KCNIP4: variants seen among roughly 807,000 people sequenced by gnomAD.
KCNIP4 encodes Kv channel-interacting protein 4.
Under a neutral mutation model 34.0 loss-of-function variants are expected in KCNIP4, and 12 were observed. The observed-to-expected ratio is 0.35, with a 90% CI of 0.23 to 0.57. KCNIP4 has a LOEUF of 0.57. Ranked by LOEUF, KCNIP4 falls within the 20% of genes least tolerant of loss-of-function variation. KCNIP4 has a pLI of 0.83. For missense variants in KCNIP4, 238 were observed against 311.7 expected (o/e 0.76, Z 1.78); for synonymous variants, 124 against 102.2 (o/e 1.21, Z -1.29).
chr4:21,708,997 T>C (rs1211898171), intron 1 of KCNIP4, among the ~76,000 whole-genome samples: 1 of 152,198 alleles, frequency 6.6e-6, no homozygotes, highest in Non-Finnish European at 1.5e-5. Context: ...TTAGTATTTT[T>C]TAAATTTTAT....
chr4:21,638,382 C>G (rs1746376090), intron 1 of KCNIP4, among the ~76,000 whole-genome samples: 1 of 152,180 alleles, frequency 6.6e-6, no homozygotes, highest in South Asian at 2.1e-4. Flanking sequence ...TCTCTGGCTG[C>G]ACTTGGTGCA....
intron 1 of KCNIP4, among the ~76,000 whole-genome samples, chr4:21,895,056 T>C (rs1727307593): frequency 2.0e-5 from 3 of 152,178 alleles, no homozygotes. Flanking sequence ...TTTCCATCCA[T>C]AGTGGGACTG....
intron 1 of KCNIP4, among the ~76,000 whole-genome samples, chr4:21,761,537 T>C (rs1718053981): frequency 1.3e-5 from 2 of 152,044 alleles, no homozygotes; most frequent in Non-Finnish European, 2.9e-5. Flanking sequence ...ACAACCATCT[T>C]ATAACTAAAT....
At chr4:20,805,420 A>C (rs1714957369) in intron 3 of KCNIP4, among the ~76,000 whole-genome samples, 2 of 151,862 alleles carry the variant, frequency 1.3e-5, no homozygotes, top group African/African-American at 4.8e-5. Context: ...TGTTCTGAGA[A>C]ATTTCTTTGA....
intron 3 of KCNIP4, among the ~76,000 whole-genome samples, chr4:20,820,085 G>T (rs1225525024): frequency 3.3e-5 from 5 of 152,146 alleles, no homozygotes; most frequent in Non-Finnish European, 5.9e-5. Context: ...GCTAGAAAAA[G>T]TCTCTATTCC....
chr4:21,379,612 C>T (rs935761262), intron 1 of KCNIP4, among the ~76,000 whole-genome samples: 6 of 152,172 alleles, frequency 3.9e-5, no homozygotes, highest in Non-Finnish European at 8.8e-5. Context: ...TTTATAGTCA[C>T]AGCAGTGACA....
intron 1 of KCNIP4, among the ~76,000 whole-genome samples, chr4:20,944,616 G>A (rs768714655): frequency 6.6e-6 from 1 of 152,190 alleles, no homozygotes; most frequent in Non-Finnish European, 1.5e-5. Flanking sequence ...ACTCATCATG[G>A]CAGAGACAAA....
At chr4:20,904,009 T>C (rs1727444205) in intron 1 of KCNIP4, among the ~76,000 whole-genome samples, 1 of 152,074 alleles carries the variant, frequency 6.6e-6, no homozygotes, top group Admixed American at 6.5e-5. Context: ...TTGCCAAAGA[T>C]TTATAAAAGC....
chr4:21,828,084 T>A (rs1722775036), intron 1 of KCNIP4, among the ~76,000 whole-genome samples: 1 of 150,086 alleles, frequency 6.7e-6, no homozygotes, highest in Non-Finnish European at 1.5e-5. Flanking sequence ...CTCCATTGGA[T>A]GCTAAATACA....
chr4:21,053,976 C>T (rs528307270), intron 1 of KCNIP4, among the ~76,000 whole-genome samples: 2 of 125,766 alleles, frequency 1.6e-5, no homozygotes, highest in South Asian at 2.5e-4. Flanking sequence ...AATCATAATT[C>T]CATCAAGTTA....
chr4:21,284,394 G>C (rs1013670114), intron 1 of KCNIP4, among the ~76,000 whole-genome samples: 4 of 152,098 alleles, frequency 2.6e-5, no homozygotes, highest in African/African-American at 9.7e-5. Context: ...CAAGCTGTTT[G>C]GTACTTCTCA....
At chr4:21,002,228 A>G (rs4499696) in intron 1 of KCNIP4, among the ~76,000 whole-genome samples, 98,951 of 152,084 alleles carry the variant, frequency 0.65, 32,393 homozygotes, top group Admixed American at 0.7. Flanking sequence ...CACAAAGTAA[A>G]TGATGAGCCC....
At chr4:20,938,219 A>C (rs1461509557) in intron 1 of KCNIP4, among the ~76,000 whole-genome samples, 8 of 145,760 alleles carry the variant, frequency 5.5e-5, no homozygotes, top group Non-Finnish European at 3.0e-5. Context: ...TTTTTTCAGC[A>C]TCAGTTCACC....
chr4:21,034,485 C>G (rs1741281666), intron 1 of KCNIP4, among the ~76,000 whole-genome samples: 1 of 152,136 alleles, frequency 6.6e-6, no homozygotes, highest in Non-Finnish European at 1.5e-5. Context: ...TAGCTTCAGC[C>G]AAGATCTCTA....
At chr4:21,247,754 ATATATACACCCCACAGGTGTTTTTT>A (rs1760353855) in intron 1 of KCNIP4, among the ~76,000 whole-genome samples, 1 of 129,582 alleles carries the variant, frequency 7.7e-6, no homozygotes, top group African/African-American at 3.1e-5. Context: ...ATATATATAT[ATATATACACCCCACAGGTGTTTTTT>A]ATATATATAC....
intron 1 of KCNIP4, among the ~76,000 whole-genome samples, chr4:21,459,051 C>A (rs1291295466): frequency 1.3e-5 from 2 of 152,066 alleles, no homozygotes; most frequent in Non-Finnish European, 2.9e-5. Flanking sequence ...ACAGCATTAT[C>A]TTTTAACCAT....
chr4:21,377,197 T>G (rs912659472), intron 1 of KCNIP4, among the ~76,000 whole-genome samples: 1 of 152,176 alleles, frequency 6.6e-6, no homozygotes, highest in Non-Finnish European at 1.5e-5. Flanking sequence ...ATGTAGAGCA[T>G]ACTACTCGGA....
intron 1 of KCNIP4, among the ~76,000 whole-genome samples, chr4:20,894,170 C>T (rs533021713): frequency 2.0e-5 from 3 of 152,144 alleles, no homozygotes; most frequent in African/African-American, 4.8e-5. Context: ...CGTGAGCCAC[C>T]GGGTTGAAGC....
chr4:20,900,837 T>C (rs1560554781), intron 1 of KCNIP4, among the ~76,000 whole-genome samples: 1 of 152,072 alleles, frequency 6.6e-6, no homozygotes, highest in Non-Finnish European at 1.5e-5. Context: ...GGATATAAAA[T>C]TGAGAAAAGA....
Sources: allele counts gnomAD v4.1 joint callset (sites outside exome capture counted in the v4.1 genomes callset), GRCh38; gene constraint gnomAD v4.1.1; transcripts MANE v1.5; gene names NCBI Gene and HGNC (gene_info 2026-07-23, HGNC 2026-07-21).